PCDHGA10: variants seen among roughly 807,000 people sequenced by gnomAD.
The protein encoded by PCDHGA10 is protocadherin gamma-A10.
In PCDHGA10, 42 loss-of-function variants were observed where a neutral mutation model predicts 59.5. The ratio of observed to expected loss-of-function variants is 0.71; its 90% CI spans 0.55 to 0.91. PCDHGA10 has a LOEUF of 0.91. Ranked by LOEUF, PCDHGA10 falls within the 40% of genes least tolerant of loss-of-function variation. The pLI is 0.00. For missense variants in PCDHGA10, 1,111 were observed against 1,198.2 expected, an observed-to-expected ratio of 0.93 and a Z score of 1.07; for synonymous variants, 511 against 517.2, an observed-to-expected ratio of 0.99 and a Z score of 0.16.
At chr5:141,445,046 G>A (rs181806844) in intron 1 of PCDHGA10, among the ~76,000 whole-genome samples, 1 of 152,248 alleles carries the variant, frequency 6.6e-6, no homozygotes, top group East Asian at 1.9e-4. Context: ...AGTTTTCAGT[G>A]TAGAGAGGTC....
chr5:141,439,013 A>T lies in PCDHGA10; in HGVS notation c.2436+23402A>T, dbSNP rs2098082221. 1.3e-5 allele frequency among the ~76,000 whole-genome samples: 2 copies of T among 151,700 alleles called. 1 individual carries two copies. The highest frequency in any genetic ancestry group is 1.3e-4 in the Admixed American group (2 of 15,214). On this transcript the variant is annotated intron_variant, in intron 1 of 3. Transcript: ENST00000398610. ...GGCTAAGGACCTGGTTTGTTTGTCA[A>T]ATTTTGAAAATAGATGCCTCAGTTC...
At position 141,511,622 on chromosome 5, in the gene PCDHGA10, A is replaced by G; in HGVS notation, c.*449A>G. 4.3e-6 allele frequency: 1 copy of G among 232,852 alleles called. No individual in the cohort carries two copies. The highest frequency in any genetic ancestry group is 8.7e-6 in the Non-Finnish European group (1 of 114,994). The allele number at this position is 232,852 out of a possible 1,614,324, so 14.4% of individuals were successfully genotyped here. A position where few individuals can be genotyped will look rare whatever the true frequency, so the allele number is the denominator to read the frequency against. On this transcript the variant is annotated 3_prime_UTR_variant, in exon 4 of 4. Transcript: ENST00000398610. ...AACCTACAAGCCTCCTAGTTCTGAA[A>G]AGTTGGAAGGGCATCATGACCTCTT...
chr5:141,495,642 C>T (rs1294293252), intron 2 of PCDHGA10, among the ~76,000 whole-genome samples: 1 of 152,208 alleles, frequency 6.6e-6, no homozygotes. Flanking sequence ...TTTCATTTGT[C>T]TACTTGCATT....
intron 1 of PCDHGA10, chr5:141,427,221 T>C (rs1312743800): frequency 2.2e-6 from 1 of 456,628 alleles, no homozygotes; most frequent in Non-Finnish European, 4.4e-6. Context: ...TCGTAGCAGT[T>C]ATACCATGAG....
rs539905795 is a variant in PCDHGA10, at chr5:141,419,910, C to T, written c.2436+4299C>T. 1.5e-5 allele frequency: 25 copies of T among 1,614,086 alleles called. No individual in the cohort carries two copies. In the South Asian group the frequency reaches 2.4e-4, roughly 16 times the overall value. On this transcript the variant is annotated intron_variant, in intron 1 of 3. Coordinates refer to ENST00000398610, the MANE Select transcript of PCDHGA10 (RefSeq NM_018913.3). ...AGCGACCATCCCACACCCTCTGACT[C>T]CCAGGCTGAGATGCAGTTTTACCTG...
chr5:141,416,819 G>A (rs952251457), intron 1 of PCDHGA10: 5 of 151,982 alleles, frequency 3.3e-5, no homozygotes, highest in African/African-American at 9.7e-5. Flanking sequence ...AAAGCATTCC[G>A]AAGTTTCTCA....
chr5:141,478,589 T>C, intron 1 of PCDHGA10: 2 of 1,573,336 alleles, frequency 1.3e-6, no homozygotes, highest in Non-Finnish European at 1.7e-6. Context: ...AGTGCTTTTT[T>C]ATTCCTACAT....
intron 1 of PCDHGA10, chr5:141,419,639 G>A (rs1478835703): frequency 6.2e-7 from 1 of 1,612,442 alleles, no homozygotes; most frequent in African/African-American, 1.3e-5. Flanking sequence ...GGTGGTGGCC[G>A]TGGACGCGGA....
intron 1 of PCDHGA10, chr5:141,479,186 T>C (rs956575218): frequency 3.3e-5 from 5 of 152,590 alleles, no homozygotes; most frequent in Admixed American, 3.3e-4. Flanking sequence ...GCTAGAAAAT[T>C]CAGAAAATAC....
At chr5:141,416,589 TTA>T (rs1386515449) in intron 1 of PCDHGA10, 2 of 151,996 alleles carry the variant, frequency 1.3e-5, no homozygotes, top group African/African-American at 4.8e-5. Context: ...CAAAATAAAC[TTA>T]GAGTCAAGAA....
At position 141,415,496 on chromosome 5, in the gene PCDHGA10, T is replaced by C; in HGVS notation, c.2321T>C (p.Phe774Ser). ...TADSRKSHLI[F>S]PQPNYADTLI... ...GACTCGCGAAAGAGTCACCTGATCT[T>C]CCCCCAGCCCAATTATGCGGACACG... Residue 774 changes from phenylalanine to serine, a missense_variant, in exon 1 of 4, where the codon TTC becomes TCC. Transcript: ENST00000398610. 1 of 1,614,070 alleles carries C rather than the reference T, an allele frequency of 6.2e-7. No homozygotes were observed.
At chr5:141,449,588 CAAAA>C (rs768743917) in intron 1 of PCDHGA10, among the ~76,000 whole-genome samples, 2 of 57,488 alleles carry the variant, frequency 3.5e-5, no homozygotes, top group Non-Finnish European at 3.7e-5. Flanking sequence ...GACTCTGTCT[CAAAA>C]AAAAAAAAAA....
intron 2 of PCDHGA10, among the ~76,000 whole-genome samples, chr5:141,496,468 C>T (rs1410143575): frequency 2.0e-5 from 3 of 152,126 alleles, no homozygotes; most frequent in Non-Finnish European, 4.4e-5. Context: ...AGTTATCTTT[C>T]CCCCATCCTG....
At chr5:141,500,260 C>G (rs2099798502) in intron 2 of PCDHGA10, among the ~76,000 whole-genome samples, 3 of 151,104 alleles carry the variant, frequency 2.0e-5, no homozygotes, top group African/African-American at 2.4e-5. Flanking sequence ...CCAGGCTGGA[C>G]TGCAGTGGCG....
rs774858191 is a variant in PCDHGA10 at position 141,413,689 on chromosome 5, C to T, written c.514C>T (p.Gln172Ter). The change falls in exon 1 of 4, where the codon CAG becomes TAG. Residue 172 changes from glutamine to a stop codon, truncating the protein, a stop_gained. Transcript: ENST00000398610. LOFTEE classifies it high-confidence loss of function. ...IDPDVGVNSL[Q>*]SYQLSPNKHF... Reference sequence around the variant, plus strand: ...TCCGGATGTGGGCGTGAACTCCCTGCAGAGCTATCAGCTCAGCCCCAATAA... The same window carrying T: ...TCCGGATGTGGGCGTGAACTCCCTGTAGAGCTATCAGCTCAGCCCCAATAA... 6 of 1,613,800 alleles carry T rather than the reference C, an allele frequency of 3.7e-6. No individual in the cohort carries two copies. The Admixed American group carries it at 5.0e-5, about 13-fold the overall frequency.
chr5:141,428,773 T>C (rs1036838681), intron 1 of PCDHGA10: 1 of 154,174 alleles, frequency 6.5e-6, no homozygotes, highest in Admixed American at 6.4e-5. Context: ...CCACTCTTAA[T>C]ATTTCCTGTT....
chr5:141,489,713 A>G lies in PCDHGA10; in HGVS notation c.2437-5094A>G. On this transcript the variant is annotated intron_variant, in intron 1 of 3. Coordinates refer to ENST00000398610, the MANE Select transcript of PCDHGA10 (RefSeq NM_018913.3). The surrounding 1 kb of genome is among the most constrained non-coding windows in gnomAD (Gnocchi z 4.5). The stretch of plus-strand genomic sequence containing the variant: ...GCACGATTCCCACTGGACAGTGCCC[A>G]GGATCCGGATGTGGGCACCAATACT... 1.9e-6 allele frequency: 3 copies of G among 1,614,162 alleles called. No individual in the cohort carries two copies. The highest frequency in any genetic ancestry group is 2.5e-6 in the Non-Finnish European group (3 of 1,179,968).
intron 1 of PCDHGA10, among the ~76,000 whole-genome samples, chr5:141,481,556 G>T (rs553126587): frequency 6.6e-6 from 1 of 152,148 alleles, no homozygotes; most frequent in African/African-American, 2.4e-5. Flanking sequence ...AGTGGCTCAC[G>T]CCTGTAATCC....
chr5:141,494,903 G>A (rs760748707), intron 2 of PCDHGA10, 38 bp downstream of exon 2: 39 of 1,613,894 alleles, frequency 2.4e-5, no homozygotes, highest in Non-Finnish European at 3.1e-5. Context: ...TCTTCTCTGC[G>A]GCATTTTCTC....
Sources: gnomAD v4.1 joint callset for allele counts (sites outside exome capture counted in the v4.1 genomes callset) on GRCh38, gnomAD v4.1.1 for gene constraint, Gnocchi (gnomAD v3.1) non-coding constraint, MANE v1.5 for transcripts, NCBI Gene and HGNC (gene_info 2026-07-23, HGNC 2026-07-21) for gene names.